TXNRD2: variants seen among roughly 807,000 people sequenced by gnomAD.
TXNRD2 encodes the protein thioredoxin reductase 2.
In TXNRD2, 67 loss-of-function variants were observed where a neutral mutation model predicts 70.8. The ratio of observed to expected loss-of-function variants is 0.95; its 90% CI spans 0.78 to 1.16. The LOEUF (loss-of-function observed/expected upper bound fraction) is 1.16. TXNRD2 is among the 50% of genes most tolerant of loss of function. TXNRD2 has a pLI of 0.00. For synonymous variants in TXNRD2, 301 were observed against 295.8 expected (o/e 1.02, Z -0.18); for missense variants, 644 against 719.9 (o/e 0.89, Z 1.21).
chr22:19,888,064 T>C (rs1272019202), intron 11 of TXNRD2: 6 of 152,266 alleles, frequency 3.9e-5, no homozygotes. Context: ...TCACTTCCTA[T>C]GTATATGTGT....
At chr22:19,920,433 A>G (rs1027337204) in intron 2 of TXNRD2, among the ~76,000 whole-genome samples, 3 of 152,150 alleles carry the variant, frequency 2.0e-5, no homozygotes. Flanking sequence ...AAATTAAAAA[A>G]TTGGCCAGGT....
At chr22:19,933,662 T>C in intron 1 of TXNRD2, 1 of 427,514 alleles carries the variant, frequency 2.3e-6, no homozygotes, top group African/African-American at 2.1e-5. Flanking sequence ...GCATAGGAAA[T>C]CTGCCTTTAA....
At chr22:19,918,797 C>T in intron 4 of TXNRD2, 63 bp downstream of exon 4, 1 of 1,591,904 alleles carries the variant, frequency 6.3e-7, no homozygotes, top group Non-Finnish European at 8.5e-7. Context: ...GATAAGCCTC[C>T]TCTTCCTCTT....
chr22:19,883,944 CAAAAAA>C (rs35225890), intron 11 of TXNRD2: 1 of 133,492 alleles, frequency 7.5e-6, no homozygotes, highest in African/African-American at 2.7e-5. Flanking sequence ...AACTCTGTCT[CAAAAAA>C]AAAAAAAGAA....
intron 8 of TXNRD2, among the ~76,000 whole-genome samples, chr22:19,905,890 C>T (rs1446855910): frequency 4.2e-5 from 6 of 143,646 alleles, no homozygotes; most frequent in East Asian, 2.0e-4. Flanking sequence ...GACTTGTGGA[C>T]GCCCATAAGG....
chr22:19,909,318 C>T (rs1940212903), intron 8 of TXNRD2, among the ~76,000 whole-genome samples: 1 of 152,022 alleles, frequency 6.6e-6, no homozygotes, highest in Non-Finnish European at 1.5e-5. Context: ...ACAGATGCAC[C>T]TCCAAGGTTT....
At chr22:19,893,587 G>A (rs943257955) in intron 11 of TXNRD2, among the ~76,000 whole-genome samples, 47 of 152,284 alleles carry the variant, frequency 3.1e-4, no homozygotes, top group Middle Eastern at 6.8e-3. Context: ...AGACAGCCCC[G>A]GCCCAGGCCT....
Position 19,933,789 on chromosome 22 carries a change from G to A in TXNRD2, c.104-2691C>T, listed in dbSNP as rs571470545. 1.5e-3 allele frequency among the ~76,000 whole-genome samples: 222 copies of A among 152,224 alleles called. 2 individuals carry two copies. Among genetic ancestry groups the A allele is most frequent in the African/African-American group, 5.2e-3 (217 of 41,506 alleles). On this transcript the variant is annotated intron_variant, in intron 1 of 17. Transcript: ENST00000400521. ...GGGCTGGGTGGCAGGCGTTACCTGGGGACACACCACCTGTGCACTCCAGTG... is the reference window on the plus strand; with the variant it reads ...GGGCTGGGTGGCAGGCGTTACCTGGAGACACACCACCTGTGCACTCCAGTG...
At chr22:19,896,658 G>C (rs947553035) in intron 10 of TXNRD2, among the ~76,000 whole-genome samples, 5 of 152,254 alleles carry the variant, frequency 3.3e-5, no homozygotes, top group African/African-American at 2.4e-5. Context: ...ACAGATGGGG[G>C]CCCTGTTCCC....
chr22:19,902,345 G>A (rs1157627895), intron 8 of TXNRD2, among the ~76,000 whole-genome samples: 3 of 152,336 alleles, frequency 2.0e-5, no homozygotes, highest in South Asian at 4.1e-4. Flanking sequence ...AATTGGAATG[G>A]GGGGAGGAAG....
At chr22:19,930,133 T>C (rs1941303773) in intron 2 of TXNRD2, among the ~76,000 whole-genome samples, 1 of 152,208 alleles carries the variant, frequency 6.6e-6, no homozygotes, top group African/African-American at 2.4e-5. Flanking sequence ...GGATCCCCAA[T>C]AGGCCAGGAG....
intron 12 of TXNRD2, chr22:19,881,028 T>A (rs983539189): frequency 7.6e-6 from 4 of 524,110 alleles, no homozygotes; most frequent in African/African-American, 1.9e-5. Flanking sequence ...CTTCTGCACA[T>A]TGCTGACCTC....
At chr22:19,879,199 G>A (rs1463943539) in intron 14 of TXNRD2, among the ~76,000 whole-genome samples, 4 of 152,210 alleles carry the variant, frequency 2.6e-5, no homozygotes, top group East Asian at 1.9e-4. Context: ...GGCCTGTCAG[G>A]CCCGTCCTGT....
Position 19,880,233 on chromosome 22 carries a change from A to G in TXNRD2, c.1221T>C (p.Cys407=), listed in dbSNP as rs1390827449. The G allele has an allele frequency of 1.9e-6, 3 of 1,613,636 alleles. No individual in the cohort carries two copies. The African/African-American group carries it at 4.0e-5, about 22-fold the overall frequency. Residue 407 remains cysteine (C), a synonymous_variant, in exon 14 of 18, where the codon TGT becomes TGC. Coordinates refer to ENST00000400521, the MANE Select transcript of TXNRD2 (RefSeq NM_006440.5). ...TTVFTPLEYG[C]VGLSEEEAVA... Reference sequence around the variant, plus strand: ...CTGCCTCCTCCTCGGACAGCCCCACACAGCCATACTCCAGCGGGGTGAAGA... The same window carrying G: ...CTGCCTCCTCCTCGGACAGCCCCACGCAGCCATACTCCAGCGGGGTGAAGA...
At chr22:19,881,150 CTTG>C in intron 12 of TXNRD2, 1 of 441,834 alleles carries the variant, frequency 2.3e-6, no homozygotes, top group East Asian at 3.3e-5. Context: ...TGACGTGCAG[CTTG>C]ATCTGCACGT....
chr22:19,892,736 G>A (rs1011065485), intron 11 of TXNRD2, among the ~76,000 whole-genome samples: 1 of 152,200 alleles, frequency 6.6e-6, no homozygotes, highest in African/African-American at 2.4e-5. Flanking sequence ...GGGCTAGGGC[G>A]CGGTGGGAGG....
At chr22:19,898,933 G>T in intron 9 of TXNRD2, 116 bp downstream of exon 9, 2 of 1,344,600 alleles carry the variant, frequency 1.5e-6, no homozygotes, top group Non-Finnish European at 2.1e-6. Flanking sequence ...GAGAGGCCCA[G>T]TAAGTGCCGA....
intron 11 of TXNRD2, among the ~76,000 whole-genome samples, chr22:19,890,894 A>G (rs1939235112): frequency 6.6e-6 from 1 of 152,062 alleles, no homozygotes; most frequent in South Asian, 2.1e-4. Flanking sequence ...GCTGCAGCCC[A>G]CCCTGGCAAC....
chr22:19,881,912 GC>G (rs1938797607), intron 12 of TXNRD2, among the ~76,000 whole-genome samples: 1 of 152,346 alleles, frequency 6.6e-6, no homozygotes, highest in East Asian at 1.9e-4. Context: ...GGCTAGATGG[GC>G]CCTACAGGAC....
Sources: allele counts gnomAD v4.1 joint callset (sites outside exome capture counted in the v4.1 genomes callset), GRCh38; gene constraint gnomAD v4.1.1; transcripts MANE v1.5; gene names NCBI Gene and HGNC (gene_info 2026-07-23, HGNC 2026-07-21).